The following KCNAB2 variants were observed in gnomAD, a reference collection of about 807,000 sequenced individuals.
KCNAB2 encodes the protein voltage-gated potassium channel subunit beta-2.
Under a neutral mutation model 63.6 loss-of-function variants are expected in KCNAB2, and 29 were observed. The ratio of observed to expected loss-of-function variants is 0.46; its 90% CI spans 0.34 to 0.62. The LOEUF is 0.62. KCNAB2 is among the 20% of genes least tolerant of loss of function. The pLI, the probability that KCNAB2 is intolerant of heterozygous loss-of-function variation, is 0.01. For missense variants in KCNAB2, 359 were observed against 563.9 expected (o/e 0.64, Z 3.68); for synonymous variants, 222 against 224.2 (o/e 0.99, Z 0.09).
intron 2 of KCNAB2, among the ~76,000 whole-genome samples, chr1:6,055,457 G>A (rs1405421009): frequency 1.3e-5 from 2 of 150,076 alleles, no homozygotes; most frequent in African/African-American, 4.9e-5. Flanking sequence ...CCAGGTTCAA[G>A]CGATTCTCCT....
At chr1:6,085,845 G>A in intron 6 of KCNAB2, 1 of 987,814 alleles carries the variant, frequency 1.0e-6, no homozygotes, top group African/African-American at 1.7e-5. Flanking sequence ...GTGGCCCCAA[G>A]TCTGTAAATC....
Position 6,028,363 on chromosome 1 carries a change from C to T in KCNAB2, c.-52-12154C>T, listed in dbSNP as rs1270768925. Among the ~76,000 whole-genome samples, 3 of 152,186 alleles carry T rather than the reference C, an allele frequency of 2.0e-5. No individual in the cohort carries two copies. Among genetic ancestry groups the T allele is most frequent in the African/African-American group, 7.2e-5 (3 of 41,444 alleles). On this transcript the variant is annotated intron_variant, in intron 1 of 16. Transcript: ENST00000341524. The surrounding 1 kb of genome is among the most constrained non-coding windows in gnomAD (Gnocchi z 4.0). ...GCTCTGGCACGCAGAACAAGCAGAC[C>T]ATGGTTTTGTGTTATACAGTAGTCA...
At chr1:6,088,153 G>A (rs1027555288) in intron 7 of KCNAB2, among the ~76,000 whole-genome samples, 34 of 151,728 alleles carry the variant, frequency 2.2e-4, no homozygotes, top group African/African-American at 8.0e-4. Context: ...TCAAACTCCT[G>A]GGCTCGAGCG....
chr1:6,045,432 AGGACATGTGCCGTGGAGAAGGGCTCCT>A (rs1297556622), upstream of KCNAB2, among the ~76,000 whole-genome samples: 4 of 152,310 alleles, frequency 2.6e-5, no homozygotes, highest in East Asian at 7.7e-4. This position sits in a 1 kb window ranked among gnomAD's most constrained non-coding sequence, Gnocchi z 4.8. Flanking sequence ...ACCCCAGGTC[AGGACATGTGCCGTGGAGAAGGGCTCCT>A]GTGTCCCTGC....
intron 1 of KCNAB2, among the ~76,000 whole-genome samples, chr1:5,999,513 G>C (rs536945979): frequency 1.3e-5 from 2 of 152,226 alleles, no homozygotes; most frequent in African/African-American, 4.8e-5. Context: ...CTTTGCGGGG[G>C]TTTCTGTAAT....
Position 6,096,844 on chromosome 1 carries a change from C to A in KCNAB2, c.1069+88C>A. The A allele has an allele frequency of 7.0e-7, 1 of 1,424,308 alleles. No individual in the cohort carries two copies. The highest frequency in any genetic ancestry group is 9.3e-7 in the Non-Finnish European group (1 of 1,072,306). The allele number at this position is 1,424,308 out of a possible 1,614,324, so 88.2% of individuals were successfully genotyped here. Reference sequence around the variant, plus strand: ...GTAACAGGGTGGGGTTGCCATGGGGCCAGTGTCTCCGGGGAGAGAGGGAAG... The same window carrying A: ...GTAACAGGGTGGGGTTGCCATGGGGACAGTGTCTCCGGGGAGAGAGGGAAG... On this transcript the variant is annotated intron_variant, in intron 14 of 15. Coordinates refer to ENST00000378083, the MANE Select transcript of KCNAB2 (RefSeq NM_001199862.2). The surrounding 1 kb of genome is among the most constrained non-coding windows in gnomAD (Gnocchi z 5.9).
intron 1 of KCNAB2, among the ~76,000 whole-genome samples, chr1:6,010,315 G>T (rs1205354789): frequency 6.6e-6 from 1 of 152,162 alleles, no homozygotes; most frequent in South Asian, 2.1e-4. Flanking sequence ...GTAACTGGAG[G>T]CAGGCATGGT....
In KCNAB2 at chr1:6,087,054, C is replaced by G. The variant is rs982774530; in HGVS notation, c.426-413C>G. The stretch of plus-strand genomic sequence containing the variant: ...CTGCCAGATCCCCCCAGAGCCCGCC[C>G]CTGCCCCCTGGCCCACACCCGGCCT... On this transcript the variant is annotated intron_variant, in intron 6 of 15. Transcript: ENST00000378083. The surrounding 1 kb of genome is among the most constrained non-coding windows in gnomAD (Gnocchi z 6.4). 2.0e-5 allele frequency among the ~76,000 whole-genome samples: 3 copies of G among 152,174 alleles called. No individual in the cohort carries two copies. The highest frequency in any genetic ancestry group is 1.9e-4 in the East Asian group (1 of 5,178).
At chr1:6,015,016 C>CTTTTTTTTT (rs34742623) in intron 1 of KCNAB2, among the ~76,000 whole-genome samples, 32 of 82,810 alleles carry the variant, frequency 3.9e-4, no homozygotes, top group South Asian at 8.1e-4. Flanking sequence ...GGTCACCTTC[C>CTTTTTTTTT]TTTTTTTTTT....
intron 1 of KCNAB2, among the ~76,000 whole-genome samples, chr1:6,010,767 G>A (rs1036249456): frequency 6.6e-6 from 1 of 152,222 alleles, no homozygotes; most frequent in African/African-American, 2.4e-5. Flanking sequence ...GGCAGGGAGG[G>A]TCTTTCCTGG....
intron 1 of KCNAB2, among the ~76,000 whole-genome samples, chr1:6,015,680 T>C (rs183249769): frequency 6.6e-6 from 1 of 152,204 alleles, no homozygotes; most frequent in Non-Finnish European, 1.5e-5. Context: ...GCTTTAGAGA[T>C]TTTTGGTTGA....
At chr1:6,061,155 G>A (rs541762065) in intron 2 of KCNAB2, among the ~76,000 whole-genome samples, 3 of 152,360 alleles carry the variant, frequency 2.0e-5, no homozygotes, top group South Asian at 4.1e-4. Context: ...GGGACACAGA[G>A]CAGAGCTTTT....
chr1:6,006,890 G>C (rs1412361569), intron 1 of KCNAB2, among the ~76,000 whole-genome samples: 1 of 151,862 alleles, frequency 6.6e-6, no homozygotes, highest in Non-Finnish European at 1.5e-5. Context: ...AAAATACAAT[G>C]ATAAGAGCTG....
chr1:6,059,039 C>A (rs951236731), intron 2 of KCNAB2, among the ~76,000 whole-genome samples: 1 of 152,182 alleles, frequency 6.6e-6, no homozygotes, highest in Non-Finnish European at 1.5e-5. Context: ...TTCCCTCCCC[C>A]ACAGGGCTGC....
At chr1:6,030,387 G>A (rs1328187813), upstream of KCNAB2, among the ~76,000 whole-genome samples, 1 of 152,142 alleles carries the variant, frequency 6.6e-6, no homozygotes, top group Non-Finnish European at 1.5e-5. Context: ...ATCACCTTCC[G>A]GTGGCCAAAG....
chr1:6,003,113 C>A lies in KCNAB2; in HGVS notation c.-53+10325C>A, dbSNP rs996431301. ...GACCCGTTCACGGGGCGGGCGCTCGCCCTTGGCCTCGCTCCTGAGCCACAG... is the reference window on the plus strand; with the variant it reads ...GACCCGTTCACGGGGCGGGCGCTCGACCTTGGCCTCGCTCCTGAGCCACAG... On this transcript the variant is annotated intron_variant, in intron 1 of 16. Coordinates refer to the KCNAB2 transcript ENST00000341524. This position sits in a 1 kb window ranked among gnomAD's most constrained non-coding sequence, Gnocchi z 4.1. Among the ~76,000 whole-genome samples the A allele has an allele frequency of 6.6e-6, 1 of 152,220 alleles. No homozygotes were observed. The highest frequency in any genetic ancestry group is 1.5e-5 in the Non-Finnish European group (1 of 68,024).
At chr1:6,008,237 G>GC (rs1050171901) in intron 1 of KCNAB2, among the ~76,000 whole-genome samples, 35 of 151,888 alleles carry the variant, frequency 2.3e-4, no homozygotes, top group Non-Finnish European at 2.9e-4. Context: ...GAAAGGACCC[G>GC]CCCCCCCATC....
At chr1:6,015,265 G>A (rs553439925) in intron 1 of KCNAB2, among the ~76,000 whole-genome samples, 11 of 152,018 alleles carry the variant, frequency 7.2e-5, no homozygotes, top group African/African-American at 1.9e-4. Context: ...CTTGACCTCC[G>A]GTGATCCACC....
intron 4 of KCNAB2, among the ~76,000 whole-genome samples, chr1:6,076,437 T>C (rs903428744): frequency 1.7e-4 from 26 of 152,248 alleles, no homozygotes; most frequent in Non-Finnish European, 7.3e-5. Context: ...GTGCCCTTTC[T>C]GTGGCCTCAC....
Sources: gnomAD v4.1 joint callset for allele counts (sites outside exome capture counted in the v4.1 genomes callset) on GRCh38, gnomAD v4.1.1 for gene constraint, Gnocchi (gnomAD v3.1) non-coding constraint, MANE v1.5 for transcripts, NCBI Gene and HGNC (gene_info 2026-07-23, HGNC 2026-07-21) for gene names.